Variants in NCKAP5 observed in about 807,000 individuals in gnomAD.
NCKAP5 encodes NCK associated protein 5, also known as nck-associated protein 5.
NCKAP5 carries 92 observed loss-of-function variants against 167.0 expected under a neutral mutation model. The ratio of observed to expected loss-of-function variants is 0.55; its 90% CI spans 0.47 to 0.66. The LOEUF (loss-of-function observed/expected upper bound fraction) is 0.66. Among genes scored for constraint, NCKAP5 ranks in the 30% least tolerant of loss-of-function variants. NCKAP5 has a pLI of 0.00. For synonymous variants in NCKAP5, 891 were observed against 877.4 expected (o/e 1.02, Z -0.27); for missense variants, 2,378 against 2,315.0 (o/e 1.03, Z -0.56).
At chr2:132,712,792 T>C (rs1467246694) in intron 19 of NCKAP5, among the ~76,000 whole-genome samples, 1 of 152,152 alleles carries the variant, frequency 6.6e-6, no homozygotes, top group Non-Finnish European at 1.5e-5. Context: ...CCATGATCTC[T>C]GGTGTTAAGG....
At chr2:132,977,557 T>C (rs1028586934) in intron 7 of NCKAP5, among the ~76,000 whole-genome samples, 1 of 152,184 alleles carries the variant, frequency 6.6e-6, no homozygotes, top group African/African-American at 2.4e-5. Flanking sequence ...CCAATCAAGG[T>C]ACTCTATTCC....
chr2:132,722,440 C>T (rs938571020), intron 19 of NCKAP5, among the ~76,000 whole-genome samples: 1 of 152,196 alleles, frequency 6.6e-6, no homozygotes, highest in African/African-American at 2.4e-5. Flanking sequence ...TCTAAGACGC[C>T]ATGCTCCCCA....
chr2:132,766,378 G>A (rs1324619303), intron 16 of NCKAP5, among the ~76,000 whole-genome samples: 2 of 151,186 alleles, frequency 1.3e-5, no homozygotes, highest in Non-Finnish European at 2.9e-5. Flanking sequence ...TGCTCTATTA[G>A]CTTGGACCAC....
At chr2:133,651,033 A>T in the NCKAP5 span, among the ~76,000 whole-genome samples, 8 of 152,210 alleles carry the variant, frequency 5.3e-5, no homozygotes, top group Non-Finnish European at 1.2e-4. Context: ...TCAACTTAAA[A>T]TGGATTGAAG....
chr2:132,731,933 C>T lies in NCKAP5; in HGVS notation c.5247G>A (p.Glu1749=). The change falls in exon 17 of 20, where the codon GAG becomes GAA. Residue 1749 remains glutamate (E), a synonymous_variant. Coordinates refer to ENST00000409261, the MANE Select transcript of NCKAP5 (RefSeq NM_207363.3). ...LCQPDSPEDA[E]PLLPLQSALS... ...GGGCTGACTGGAGAGGCAGGAGAGG[C>T]TCAGCGTCCTCTGGGGAGTCTGGCT... The T allele has an allele frequency of 1.2e-6, 2 of 1,613,928 alleles. No homozygotes were observed. Among genetic ancestry groups the T allele is most frequent in the Non-Finnish European group, 1.7e-6 (2 of 1,179,886 alleles).
At chr2:133,064,871 A>T (rs2080134397) in intron 6 of NCKAP5, among the ~76,000 whole-genome samples, 1 of 152,186 alleles carries the variant, frequency 6.6e-6, no homozygotes, top group African/African-American at 2.4e-5. Flanking sequence ...TTCCACTGGA[A>T]CTTAAAAGTT....
chr2:133,053,203 C>T (rs74592450), intron 6 of NCKAP5, among the ~76,000 whole-genome samples: 2 of 152,224 alleles, frequency 1.3e-5, no homozygotes, highest in South Asian at 2.1e-4. Context: ...ATTCTTTATT[C>T]GAGAGCAGTC....
At chr2:133,380,007 TGA>T (rs1686407213) in intron 3 of NCKAP5, among the ~76,000 whole-genome samples, 1 of 152,174 alleles carries the variant, frequency 6.6e-6, no homozygotes, top group Admixed American at 6.5e-5. Flanking sequence ...TGCAGAAATA[TGA>T]GAGAGGGAAA....
At chr2:133,382,887 T>A (rs1214304334) in intron 3 of NCKAP5, among the ~76,000 whole-genome samples, 1 of 152,154 alleles carries the variant, frequency 6.6e-6, no homozygotes, top group Non-Finnish European at 1.5e-5. Flanking sequence ...CATTTTGTCC[T>A]CAGTGTCTTA....
At chr2:132,874,651 T>A (rs1329844334) in intron 9 of NCKAP5, among the ~76,000 whole-genome samples, 1 of 152,112 alleles carries the variant, frequency 6.6e-6, no homozygotes, top group African/African-American at 2.4e-5. Flanking sequence ...GGAAAATAAC[T>A]CAACTCCACC....
At chr2:132,696,150 C>G (rs922606753) in intron 19 of NCKAP5, among the ~76,000 whole-genome samples, 1 of 152,184 alleles carries the variant, frequency 6.6e-6, no homozygotes, top group African/African-American at 2.4e-5. Context: ...AAACCAAATG[C>G]ATTACCTTTG....
chr2:132,941,234 C>A (rs1410141600), intron 8 of NCKAP5, among the ~76,000 whole-genome samples: 1 of 152,136 alleles, frequency 6.6e-6, no homozygotes, highest in Non-Finnish European at 1.5e-5. Context: ...GGGAAAGAAA[C>A]ATCTTCTGTT....
intron 4 of NCKAP5, among the ~76,000 whole-genome samples, chr2:133,253,071 T>C (rs1470992940): frequency 6.6e-6 from 1 of 152,206 alleles, no homozygotes; most frequent in Non-Finnish European, 1.5e-5. Context: ...TCACCAAGAC[T>C]GCCTCTTGCT....
chr2:133,569,271 A>C (rs984596545), upstream of NCKAP5, among the ~76,000 whole-genome samples: 2 of 151,856 alleles, frequency 1.3e-5, no homozygotes, highest in African/African-American at 4.8e-5. Flanking sequence ...TTTTACAGTT[A>C]TCTCCCCTCC....
At chr2:133,378,617 T>C (rs1033155792) in intron 3 of NCKAP5, among the ~76,000 whole-genome samples, 5 of 152,106 alleles carry the variant, frequency 3.3e-5, no homozygotes, top group Non-Finnish European at 5.9e-5. Flanking sequence ...TCTGGGAGCA[T>C]CCCACAGCCA....
At chr2:133,099,393 G>T (rs891287766) in intron 6 of NCKAP5, among the ~76,000 whole-genome samples, 3 of 152,120 alleles carry the variant, frequency 2.0e-5, no homozygotes, top group Non-Finnish European at 4.4e-5. Context: ...ATAATACTGA[G>T]AAAACATTTT....
chr2:133,107,591 G>C (rs1178716270), intron 6 of NCKAP5, among the ~76,000 whole-genome samples: 1 of 152,140 alleles, frequency 6.6e-6, no homozygotes, highest in Non-Finnish European at 1.5e-5. Context: ...TGAATAACCT[G>C]ATCAGCCATG....
At chr2:133,233,986 C>T (rs1457771647) in intron 4 of NCKAP5, among the ~76,000 whole-genome samples, 1 of 152,194 alleles carries the variant, frequency 6.6e-6, no homozygotes, top group Admixed American at 6.5e-5. Flanking sequence ...AAGAACCCAT[C>T]AGGACTATCG....
intron 3 of NCKAP5, among the ~76,000 whole-genome samples, chr2:133,448,224 C>T (rs574708922): frequency 6.7e-6 from 1 of 149,038 alleles, no homozygotes; most frequent in South Asian, 2.1e-4. Context: ...ACCTTCTGGC[C>T]AATAATAGGT....
Sources: gnomAD v4.1 joint callset for allele counts (sites outside exome capture counted in the v4.1 genomes callset) on GRCh38, gnomAD v4.1.1 for gene constraint, MANE v1.5 for transcripts, NCBI Gene and HGNC (gene_info 2026-07-23, HGNC 2026-07-21) for gene names.